CLNK: variants seen among roughly 807,000 people sequenced by gnomAD.
The protein encoded by CLNK is cytokine-dependent hematopoietic cell linker.
A neutral mutation model predicts 68.6 loss-of-function variants in CLNK; 74 were observed. The observed-to-expected ratio is 1.08, with a 90% CI of 0.89 to 1.31. The LOEUF (loss-of-function observed/expected upper bound fraction) is 1.31. Ranked by LOEUF, CLNK falls within the 50% of genes most tolerant of loss-of-function variation. CLNK has a pLI of 0.00. For synonymous variants in CLNK, 198 were observed against 172.2 expected (o/e 1.15, Z -1.17); for missense variants, 553 against 515.3 (o/e 1.07, Z -0.71).
intron 2 of CLNK, among the ~76,000 whole-genome samples, chr4:10,636,408 G>A (rs1723089260): frequency 1.3e-5 from 2 of 152,182 alleles, no homozygotes; most frequent in African/African-American, 4.8e-5. Flanking sequence ...GAATGCCAAG[G>A]ACAGCCAGCA....
At chr4:10,705,911 T>C in the CLNK span, among the ~76,000 whole-genome samples, 1 of 152,224 alleles carries the variant, frequency 6.6e-6, no homozygotes, top group Non-Finnish European at 1.5e-5. Flanking sequence ...ACTGGACTAA[T>C]TTGAGAAGCC....
At chr4:10,633,019 C>A (rs1338857740) in intron 2 of CLNK, among the ~76,000 whole-genome samples, 1 of 152,216 alleles carries the variant, frequency 6.6e-6, no homozygotes, top group Non-Finnish European at 1.5e-5. Flanking sequence ...CTCACTACAA[C>A]TTCTGCCTCC....
intron 16 of CLNK, among the ~76,000 whole-genome samples, chr4:10,512,378 G>A (rs925487975): frequency 6.6e-6 from 1 of 151,972 alleles, no homozygotes; most frequent in African/African-American, 2.4e-5. Flanking sequence ...TTACAGGCAT[G>A]TGCCACCACG....
At chr4:10,610,002 GC>G (rs149091240) in intron 2 of CLNK, among the ~76,000 whole-genome samples, 3,973 of 144,690 alleles carry the variant, frequency 0.027, 191 homozygotes, top group African/African-American at 0.098. Context: ...TTCTAATTAA[GC>G]CTCGTTATGT....
At chr4:10,599,308 G>A (rs773809374) in intron 2 of CLNK, among the ~76,000 whole-genome samples, 3 of 152,142 alleles carry the variant, frequency 2.0e-5, no homozygotes, top group Non-Finnish European at 2.9e-5. Flanking sequence ...CTCTTCATCT[G>A]GGATTTGCCT....
At chr4:10,668,324 A>C (rs571636864) in intron 1 of CLNK, among the ~76,000 whole-genome samples, 27 of 152,332 alleles carry the variant, frequency 1.8e-4, no homozygotes, top group African/African-American at 6.5e-4. Context: ...ATTGCAAGTT[A>C]CAGTTCTATA....
chr4:10,726,841 C>A, the CLNK span, among the ~76,000 whole-genome samples: 33 of 152,268 alleles, frequency 2.2e-4, no homozygotes, highest in Middle Eastern at 3.4e-3. Context: ...ACAATGCCTG[C>A]TTGCTGTTAC....
At chr4:10,550,491 T>A (rs1207599672) in intron 8 of CLNK, among the ~76,000 whole-genome samples, 1 of 151,964 alleles carries the variant, frequency 6.6e-6, no homozygotes, top group African/African-American at 2.4e-5. Flanking sequence ...GGAGACTCTG[T>A]CTCAAAAAAA....
intron 2 of CLNK, among the ~76,000 whole-genome samples, chr4:10,652,132 G>A (rs1230630362): frequency 2.0e-5 from 3 of 152,074 alleles, no homozygotes; most frequent in African/African-American, 7.2e-5. Flanking sequence ...TGTAATCCCA[G>A]CACTTTGGGA....
intron 7 of CLNK, among the ~76,000 whole-genome samples, chr4:10,561,032 G>A (rs1719867259): frequency 6.6e-6 from 1 of 151,928 alleles, no homozygotes; most frequent in East Asian, 1.9e-4. Flanking sequence ...GAGTAGCTGG[G>A]ACTACAGGCA....
Position 10,514,128 on chromosome 4 carries a change from G to A in CLNK, c.773-531C>T, listed in dbSNP as rs923350280. On this transcript the variant is annotated intron_variant, in intron 15 of 18. Transcript: ENST00000226951. The stretch of plus-strand genomic sequence containing the variant: ...GCGGTGTTTGGTTTTTTGTTCTTGC[G>A]ATAGTTTACTGAGAATGATGGTTTC... Among the ~76,000 whole-genome samples, 8 of 142,288 alleles carry A rather than the reference G, an allele frequency of 5.6e-5. No homozygotes were observed. The East Asian group carries it at 6.2e-4, about 11-fold the overall frequency. 93.3% of individuals were successfully genotyped at this position (142,288 alleles called of 152,430 possible). A position where few individuals can be genotyped will look rare whatever the true frequency, so the allele number is the denominator to read the frequency against.
intron 15 of CLNK, among the ~76,000 whole-genome samples, chr4:10,519,031 G>T (rs79977961): frequency 6.6e-6 from 1 of 152,304 alleles, no homozygotes; most frequent in African/African-American, 2.4e-5. Flanking sequence ...TCTTCACTCT[G>T]CATTCTTGGG....
intron 2 of CLNK, among the ~76,000 whole-genome samples, chr4:10,611,732 G>T (rs942714005): frequency 6.6e-6 from 1 of 152,122 alleles, no homozygotes; most frequent in Admixed American, 6.5e-5. Flanking sequence ...CTGCTCCTGG[G>T]GGTGGCTCCT....
chr4:10,503,184 G>A (rs1452165023), intron 17 of CLNK, among the ~76,000 whole-genome samples: 1 of 152,114 alleles, frequency 6.6e-6, no homozygotes, highest in Non-Finnish European at 1.5e-5. Flanking sequence ...AATAGAGGCC[G>A]GGTGTGGTGC....
chr4:10,642,350 A>G (rs552391503), intron 2 of CLNK, among the ~76,000 whole-genome samples: 1 of 152,324 alleles, frequency 6.6e-6, no homozygotes, highest in Admixed American at 6.5e-5. Context: ...CCAAGGCAAC[A>G]GGAAACAATG....
intron 2 of CLNK, among the ~76,000 whole-genome samples, chr4:10,659,086 C>G (rs1025015209): frequency 1.3e-5 from 2 of 152,174 alleles, no homozygotes; most frequent in African/African-American, 4.8e-5. Flanking sequence ...CACCTGTAAT[C>G]CCAGCTACTC....
intron 2 of CLNK, among the ~76,000 whole-genome samples, chr4:10,649,748 G>A (rs1723654065): frequency 6.6e-6 from 1 of 150,642 alleles, no homozygotes; most frequent in Non-Finnish European, 1.5e-5. Flanking sequence ...ATGTAAGGAA[G>A]GCCTGTTTTA....
chr4:10,610,534 C>A (rs1016762781), intron 2 of CLNK, among the ~76,000 whole-genome samples: 4 of 152,020 alleles, frequency 2.6e-5, no homozygotes, highest in African/African-American at 7.3e-5. Context: ...AATAAATGAA[C>A]CTAGACAAAG....
chr4:10,596,553 T>C (rs1031656908), intron 3 of CLNK, among the ~76,000 whole-genome samples: 14 of 152,240 alleles, frequency 9.2e-5, no homozygotes, highest in African/African-American at 3.1e-4. Context: ...TAAAGGAAGA[T>C]GGTAGACACA....
Sources: allele counts gnomAD v4.1 joint callset (sites outside exome capture counted in the v4.1 genomes callset), GRCh38; gene constraint gnomAD v4.1.1; transcripts MANE v1.5; gene names NCBI Gene and HGNC (gene_info 2026-07-23, HGNC 2026-07-21).